Variants in IRAG2 observed in about 807,000 individuals in gnomAD.
The protein encoded by IRAG2 is lymphoid restricted membrane protein.
Under a neutral mutation model 69.9 loss-of-function variants are expected in IRAG2, and 45 were observed. The ratio of observed to expected loss-of-function variants is 0.64; its 90% CI spans 0.51 to 0.83. IRAG2 has a LOEUF of 0.83. Among genes scored for constraint, IRAG2 ranks in the 40% least tolerant of loss-of-function variants. The pLI is 0.00. For synonymous variants in IRAG2, 193 were observed against 202.4 expected, an observed-to-expected ratio of 0.95 and a Z score of 0.40; for missense variants, 520 against 587.0, an observed-to-expected ratio of 0.89 and a Z score of 1.18.
At chr12:25,044,154 G>A (rs1281560381) in intron 16 of IRAG2, among the ~76,000 whole-genome samples, 3 of 152,024 alleles carry the variant, frequency 2.0e-5, no homozygotes, top group African/African-American at 4.8e-5. Flanking sequence ...TTGAAGGAGA[G>A]AGTAATAGAA....
chr12:25,059,862 G>GA (rs1306375233), intron 1 of IRAG2, among the ~76,000 whole-genome samples: 5 of 151,904 alleles, frequency 3.3e-5, no homozygotes, highest in African/African-American at 4.8e-5. Context: ...CCTTTTTCCT[G>GA]AAAAAAATTA....
intron 17 of IRAG2, chr12:25,103,584 C>A: frequency 4.8e-6 from 2 of 415,886 alleles, no homozygotes; most frequent in South Asian, 4.3e-5. Flanking sequence ...CAAATAATTA[C>A]AAACCTAAAC....
chr12:25,090,101 T>G lies in IRAG2; in HGVS notation c.510T>G (p.Phe170Leu). The change falls in exon 14 of 22, where the codon TTT becomes TTG. Residue 170 changes from phenylalanine to leucine, a missense_variant. Coordinates refer to ENST00000556887, the MANE Select transcript of IRAG2 (RefSeq NM_001366544.2). ...RLSLGFKCDW[F>L]TLEKRVKLEE... ...CTTTGGGATTTAAGTGTGACTGGTTTACCTTGGAGAAGAGAGTGAAGCTTG... is the reference window on the plus strand; with the variant it reads ...CTTTGGGATTTAAGTGTGACTGGTTGACCTTGGAGAAGAGAGTGAAGCTTG... The G allele has an allele frequency of 6.2e-7, 1 of 1,614,104 alleles. No homozygotes were observed. Among genetic ancestry groups the G allele is most frequent in the South Asian group, 1.1e-5 (1 of 91,084 alleles).
At chr12:25,045,074 T>A (rs1478434750) in intron 16 of IRAG2, among the ~76,000 whole-genome samples, 1 of 151,984 alleles carries the variant, frequency 6.6e-6, no homozygotes, top group Non-Finnish European at 1.5e-5. Context: ...CCTACCATAA[T>A]GGAATAAAAC....
intron 4 of IRAG2, among the ~76,000 whole-genome samples, chr12:25,065,067 G>A (rs1366377552): frequency 6.7e-6 from 1 of 149,878 alleles, no homozygotes; most frequent in Admixed American, 6.6e-5. Flanking sequence ...TCCAGCCTGG[G>A]TGTCGCAGTG....
Position 25,098,996 on chromosome 12 carries a change from G to A in IRAG2, c.741+1952G>A, listed in dbSNP as rs111255488. Among the ~76,000 whole-genome samples, 204 of 152,090 alleles carry A rather than the reference G, an allele frequency of 1.3e-3. 1 individual carries two copies. Among genetic ancestry groups the A allele is most frequent in the African/African-American group, 4.7e-3 (195 of 41,482 alleles). On this transcript the variant is annotated intron_variant, in intron 15 of 21. Transcript: ENST00000556887. Reference sequence around the variant, plus strand: ...GTCCTCTAGCTTTTCTCTACATCACGGGCTGCTCCTTCTAGGCTTCCTGCA... The same window carrying A: ...GTCCTCTAGCTTTTCTCTACATCACAGGCTGCTCCTTCTAGGCTTCCTGCA...
At chr12:25,024,462 T>C (rs1218215572) in intron 8 of IRAG2, among the ~76,000 whole-genome samples, 1 of 152,226 alleles carries the variant, frequency 6.6e-6, no homozygotes, top group Non-Finnish European at 1.5e-5. Context: ...AGAAAAAGAA[T>C]ATAATTTTTT....
At chr12:25,081,537 C>T (rs568622681) in intron 9 of IRAG2, among the ~76,000 whole-genome samples, 5 of 152,250 alleles carry the variant, frequency 3.3e-5, no homozygotes, top group Admixed American at 2.6e-4. Context: ...GAAAGTGAAA[C>T]CTTGGATAAG....
At position 25,089,559 on chromosome 12, in the gene IRAG2, T is replaced by C. The variant is rs1217232694; in HGVS notation, c.374-55T>C. 5 of 1,023,884 alleles carry C rather than the reference T, an allele frequency of 4.9e-6. No homozygotes were observed. The African/African-American group carries it at 8.2e-5, about 17-fold the overall frequency. The allele number at this position is 1,023,884 out of a possible 1,614,324, so 63.4% of individuals were successfully genotyped here. ...TGGAGATATAACATTAGATCAAATG[T>C]GCTTTTACAGGTCAAGCCTTTTTAA... On this transcript the variant is annotated intron_variant, in intron 11 of 21. Transcript: ENST00000556887.
chr12:25,003,197 G>C (rs1490028235), upstream of IRAG2, among the ~76,000 whole-genome samples: 1 of 150,012 alleles, frequency 6.7e-6, no homozygotes, highest in Non-Finnish European at 1.5e-5. Context: ...CTCTATTAGG[G>C]GATTAAAAAA....
chr12:25,004,143 G>A (rs1288055891), upstream of IRAG2, among the ~76,000 whole-genome samples: 7 of 152,300 alleles, frequency 4.6e-5, no homozygotes, highest in African/African-American at 1.2e-4. Context: ...TTATTTTCCT[G>A]AAATTTGAGG....
At chr12:25,082,625 A>G (rs1947302619) in intron 9 of IRAG2, among the ~76,000 whole-genome samples, 1 of 151,798 alleles carries the variant, frequency 6.6e-6, no homozygotes, top group South Asian at 2.1e-4. Flanking sequence ...AACAAAAACA[A>G]ACAAAACAAA....
chr12:25,072,974 G>A (rs1946430906), intron 6 of IRAG2, among the ~76,000 whole-genome samples: 1 of 152,142 alleles, frequency 6.6e-6, no homozygotes, highest in African/African-American at 2.4e-5. Context: ...TTTTTTTGTG[G>A]TAGCATAAAA....
intron 16 of IRAG2, chr12:25,101,810 T>G: frequency 2.4e-6 from 1 of 413,318 alleles, no homozygotes; most frequent in Non-Finnish European, 4.7e-6. Flanking sequence ...CTTACAATAG[T>G]TTTATTTAAA....
chr12:25,028,868 A>G (rs934472989), intron 9 of IRAG2, among the ~76,000 whole-genome samples: 29 of 152,196 alleles, frequency 1.9e-4, no homozygotes, highest in African/African-American at 7.0e-4. Context: ...TTTAAACATC[A>G]ATTTTTTAAA....
chr12:25,053,555 G>A (rs1945005979), intron 1 of IRAG2, among the ~76,000 whole-genome samples: 2 of 152,094 alleles, frequency 1.3e-5, no homozygotes, highest in South Asian at 2.1e-4. Context: ...TATATAAACA[G>A]TTACCAGAGA....
At chr12:25,031,182 T>C in intron 10 of IRAG2, 1 of 523,596 alleles carries the variant, frequency 1.9e-6, no homozygotes, top group Non-Finnish European at 2.5e-6. Context: ...AGCTGTGGAC[T>C]TTGACTGGGA....
At chr12:25,064,953 G>A (rs1185978967) in intron 4 of IRAG2, among the ~76,000 whole-genome samples, 2 of 152,136 alleles carry the variant, frequency 1.3e-5, no homozygotes, top group African/African-American at 4.8e-5. Flanking sequence ...AGCTGGGCAT[G>A]GTGGTGCACA....
intron 6 of IRAG2, among the ~76,000 whole-genome samples, chr12:25,077,308 G>GAAATATATGAT (rs1366137453): frequency 2.3e-4 from 4 of 17,664 alleles, no homozygotes; most frequent in Admixed American, 7.1e-4. Context: ...AAATATATAT[G>GAAATATATGAT]ATATATATGA....
Sources: allele counts gnomAD v4.1 joint callset (sites outside exome capture counted in the v4.1 genomes callset), GRCh38; gene constraint gnomAD v4.1.1; transcripts MANE v1.5; gene names NCBI Gene and HGNC (gene_info 2026-07-23, HGNC 2026-07-21).